The following TGS1 variants were observed in gnomAD, a reference collection of about 807,000 sequenced individuals.
The protein encoded by TGS1 is trimethylguanosine synthase.
TGS1 carries 69 observed loss-of-function variants against 92.2 expected under a neutral mutation model. The observed-to-expected ratio is 0.75, with a 90% CI of 0.62 to 0.91. TGS1 has a LOEUF of 0.91. Among genes scored for constraint, TGS1 ranks in the 40% least tolerant of loss-of-function variants. The pLI, the probability that TGS1 is intolerant of heterozygous loss-of-function variation, is 0.00. For missense variants in TGS1, 1,062 were observed against 1,001.2 expected (o/e 1.06, Z -0.82); for synonymous variants, 345 against 338.1 (o/e 1.02, Z -0.22).
intron 12 of TGS1, among the ~76,000 whole-genome samples, chr8:55,819,609 T>C (rs141274367): frequency 6.6e-6 from 1 of 152,002 alleles, no homozygotes; most frequent in African/African-American, 2.4e-5. Context: ...CCTGGGAGAA[T>C]TTTTTTGACC....
At chr8:55,806,356 C>CAAAAAAAAAAAAAA (rs1047234489) in intron 10 of TGS1, among the ~76,000 whole-genome samples, 1 of 39,004 alleles carries the variant, frequency 2.6e-5, no homozygotes, top group African/African-American at 8.7e-5. Flanking sequence ...GACTCCACCT[C>CAAAAAAAAAAAAAA]AAAAAAAAAA....
At chr8:55,814,313 T>A (rs1462654525) in intron 12 of TGS1, among the ~76,000 whole-genome samples, 2 of 152,112 alleles carry the variant, frequency 1.3e-5, no homozygotes, top group African/African-American at 4.8e-5. Flanking sequence ...TTTTCTAGGA[T>A]GAGGCCCGAA....
intron 11 of TGS1, among the ~76,000 whole-genome samples, chr8:55,811,896 A>G (rs2130230717): frequency 6.6e-6 from 1 of 152,330 alleles, no homozygotes; most frequent in Non-Finnish European, 1.5e-5. Flanking sequence ...GTAATGACAA[A>G]TATGAGGTCA....
intron 10 of TGS1, among the ~76,000 whole-genome samples, chr8:55,805,865 G>C (rs1812351025): frequency 7.4e-6 from 1 of 135,202 alleles, no homozygotes; most frequent in South Asian, 2.3e-4. Flanking sequence ...CTGGGCAACA[G>C]AGTGAGACTC....
chr8:55,814,606 T>G (rs1351969771), intron 12 of TGS1, among the ~76,000 whole-genome samples: 1 of 149,080 alleles, frequency 6.7e-6, no homozygotes, highest in Non-Finnish European at 1.5e-5. Flanking sequence ...GGCAGATCGC[T>G]TGAGGCCAGG....
At chr8:55,815,458 C>A (rs954365663) in intron 12 of TGS1, among the ~76,000 whole-genome samples, 9 of 152,034 alleles carry the variant, frequency 5.9e-5, no homozygotes, top group Admixed American at 5.2e-4. Context: ...ATCACAGTTG[C>A]AAAGAAAATT....
intron 8 of TGS1, among the ~76,000 whole-genome samples, chr8:55,801,434 C>G (rs1812210353): frequency 6.8e-6 from 1 of 147,096 alleles, no homozygotes; most frequent in Non-Finnish European, 1.5e-5. Flanking sequence ...CCGTGCCCAG[C>G]TAATTTTTGT....
intron 12 of TGS1, among the ~76,000 whole-genome samples, chr8:55,814,625 A>G (rs1183087269): frequency 1.3e-5 from 2 of 148,658 alleles, no homozygotes; most frequent in African/African-American, 2.5e-5. Flanking sequence ...GGAGTTGACC[A>G]GCCTGGCCAA....
chr8:55,801,029 G>A (rs769026976), intron 8 of TGS1, among the ~76,000 whole-genome samples: 10 of 152,140 alleles, frequency 6.6e-5, no homozygotes, highest in Non-Finnish European at 1.3e-4. Context: ...ATCCTTTTCC[G>A]TGGAATGGAG....
intron 10 of TGS1, among the ~76,000 whole-genome samples, chr8:55,809,483 A>T (rs1368810885): frequency 6.7e-6 from 1 of 149,874 alleles, no homozygotes; most frequent in Admixed American, 6.7e-5. Context: ...TGTGGGGTGC[A>T]GGTGTTTCGC....
At chr8:55,810,689 C>T (rs1255286149) in intron 10 of TGS1, among the ~76,000 whole-genome samples, 192 bp from the exon 11 acceptor site, 2 of 152,196 alleles carry the variant, frequency 1.3e-5, no homozygotes, top group Non-Finnish European at 2.9e-5. Flanking sequence ...CTTGGTACAA[C>T]ACAGTGAATC....
At chr8:55,815,926 ATTTATTTATTTATTTATTTAT>A (rs1483354067) in intron 12 of TGS1, among the ~76,000 whole-genome samples, 11 of 112,386 alleles carry the variant, frequency 9.8e-5, no homozygotes, top group East Asian at 2.0e-4. Context: ...ATTTTTATTT[ATTTATTTATTTATTTATTTAT>A]TTTATTTATT....
chr8:55,776,699 C>T (rs1159385011), intron 1 of TGS1, among the ~76,000 whole-genome samples: 1 of 152,138 alleles, frequency 6.6e-6, no homozygotes, highest in African/African-American at 2.4e-5. Context: ...GTTTTTACTT[C>T]TTTCTTTGGA....
chr8:55,825,549 A>G lies in TGS1; in HGVS notation c.*846A>G, dbSNP rs1047946571. 1 of 152,238 alleles carries G rather than the reference A, an allele frequency of 6.6e-6. No individual in the cohort carries two copies. The highest frequency in any genetic ancestry group is 1.5e-5 in the Non-Finnish European group (1 of 68,036). The allele number at this position is 152,238 out of a possible 1,614,324, so 9.4% of individuals were successfully genotyped here. A position where few individuals can be genotyped will look rare whatever the true frequency, so the allele number is the denominator to read the frequency against. ...ATACAACACTTGTCCATTGAAGGTTAGACCTGGGACTTCTATATTTTAATA... is the reference window on the plus strand; with the variant it reads ...ATACAACACTTGTCCATTGAAGGTTGGACCTGGGACTTCTATATTTTAATA... On this transcript the variant is annotated 3_prime_UTR_variant, in exon 13 of 13. Coordinates refer to ENST00000260129, the MANE Select transcript of TGS1 (RefSeq NM_024831.8).
chr8:55,788,737 G>A (rs552409631), intron 4 of TGS1, among the ~76,000 whole-genome samples: 1 of 152,168 alleles, frequency 6.6e-6, no homozygotes, highest in South Asian at 2.1e-4. Flanking sequence ...GTGCATAGGC[G>A]TGAGCCACCA....
At chr8:55,812,577 C>T (rs1803367552) in intron 11 of TGS1, among the ~76,000 whole-genome samples, 1 of 150,802 alleles carries the variant, frequency 6.6e-6, no homozygotes, top group South Asian at 2.1e-4. Flanking sequence ...GTCCCAGGTA[C>T]TCGGGAGGCT....
intron 7 of TGS1, among the ~76,000 whole-genome samples, chr8:55,798,560 A>G (rs185280689): frequency 1.3e-5 from 2 of 152,264 alleles, no homozygotes; most frequent in Non-Finnish European, 2.9e-5. Flanking sequence ...ATGATTCAGT[A>G]GTAAGTAGGT....
chr8:55,823,309 G>A (rs1803701066), intron 12 of TGS1, among the ~76,000 whole-genome samples: 1 of 152,100 alleles, frequency 6.6e-6, no homozygotes, highest in Admixed American at 6.6e-5. Context: ...TACTGTCTTG[G>A]AACAAAAGAA....
chr8:55,822,175 T>C (rs1196083783), intron 12 of TGS1, among the ~76,000 whole-genome samples: 1 of 151,632 alleles, frequency 6.6e-6, no homozygotes, highest in African/African-American at 2.4e-5. Context: ...ATTCACGCCA[T>C]TCTCCTGCCT....
Sources: allele counts gnomAD v4.1 joint callset (sites outside exome capture counted in the v4.1 genomes callset), GRCh38; gene constraint gnomAD v4.1.1; transcripts MANE v1.5; gene names NCBI Gene and HGNC (gene_info 2026-07-23, HGNC 2026-07-21).